The following ELK4 variants were observed in gnomAD, a reference collection of about 807,000 sequenced individuals.
ELK4 encodes the protein ETS domain-containing protein Elk-4.
ELK4 carries 16 observed loss-of-function variants against 29.6 expected under a neutral mutation model. That is an observed-to-expected ratio of 0.54 (90% CI 0.37 to 0.82). The LOEUF is 0.82. Among genes scored for constraint, ELK4 ranks in the 40% least tolerant of loss-of-function variants. ELK4 has a pLI of 0.00. For synonymous variants in ELK4, 213 were observed against 191.1 expected (o/e 1.11, Z -0.95); for missense variants, 465 against 507.1 (o/e 0.92, Z 0.80).
In ELK4 at chr1:205,612,064, AAT is replaced by A. The variant is rs898334188; in HGVS notation, c.*4480_*4481del. 5 of 191,922 alleles carry A rather than the reference AAT, an allele frequency of 2.6e-5. No homozygotes were observed. Among genetic ancestry groups the A allele is most frequent in the East Asian group, 1.7e-4 (2 of 12,102 alleles). The allele number at this position is 191,922 out of a possible 1,614,324, so 11.9% of individuals were successfully genotyped here. A position where few individuals can be genotyped will look rare whatever the true frequency, so the allele number is the denominator to read the frequency against. On this transcript the variant is annotated 3_prime_UTR_variant, in exon 5 of 5. Transcript: ENST00000357992. ...TCTGTGAGCAGACTAGTAAAATAAA[AAT>A]AGAGTCATACCTAACATGAAGATAA...
intron 3 of ELK4, 91 bp downstream of exon 3, chr1:205,619,875 G>C (rs1052706975): frequency 2.4e-5 from 39 of 1,613,618 alleles, no homozygotes; most frequent in Non-Finnish European, 3.2e-5. Flanking sequence ...CTAAGTAACA[G>C]AAAGCAAACT....
chr1:205,620,731 A>G lies in ELK4; in HGVS notation c.315T>C (p.Cys105=). The G allele has an allele frequency of 6.2e-7, 1 of 1,614,118 alleles. No individual in the cohort carries two copies. The highest frequency in any genetic ancestry group is 8.5e-7 in the Non-Finnish European group (1 of 1,180,026). ...PMTVGRIEGD[C]ESLNFSEVSS... is the part of the protein sequence containing the mutation. ...TGACTTCACTGAAGTTTAAACTTTC[A>G]CAGTCACCCTCAATCCTGCCCACTG... is the stretch of plus-strand genomic sequence containing the variant. The change falls in exon 3 of 5, where the codon TGT becomes TGC. Residue 105 remains cysteine, a synonymous_variant. Coordinates refer to ENST00000357992, the MANE Select transcript of ELK4 (RefSeq NM_001973.4).
At chr1:205,617,081 G>A (rs1488642913) in intron 4 of ELK4, among the ~76,000 whole-genome samples, 1 of 152,180 alleles carries the variant, frequency 6.6e-6, no homozygotes, top group Non-Finnish European at 1.5e-5. Flanking sequence ...TCCCCATCAA[G>A]TATTCTGAGG....
chr1:205,622,707 G>A (rs1040521149), intron 2 of ELK4, among the ~76,000 whole-genome samples: 7 of 152,116 alleles, frequency 4.6e-5, no homozygotes, highest in Non-Finnish European at 8.8e-5. Flanking sequence ...AGTAAATTAT[G>A]ACACACATGA....
Position 205,613,591 on chromosome 1 carries a change from A to T in ELK4, c.*2955T>A, listed in dbSNP as rs1192471832. ...TAACTAATTTATATCAAAGAATTTG[A>T]TATAAAATTCTAATTTATATTAGAA... On this transcript the variant is annotated 3_prime_UTR_variant, in exon 5 of 5. Transcript: ENST00000357992. The T allele has an allele frequency of 1.1e-5, 2 of 180,086 alleles. No homozygotes were observed. Among genetic ancestry groups the T allele is most frequent in the Non-Finnish European group, 2.4e-5 (2 of 84,302 alleles). 11.2% of individuals were successfully genotyped at this position (180,086 alleles called of 1,614,324 possible). A position where few individuals can be genotyped will look rare whatever the true frequency, so the allele number is the denominator to read the frequency against.
chr1:205,629,170 C>CAAAAAAAAAAAAAAAAAA (rs61374496), intron 1 of ELK4, among the ~76,000 whole-genome samples: 4 of 92,274 alleles, frequency 4.3e-5, no homozygotes, highest in Admixed American at 1.2e-4. Flanking sequence ...GACTACGTCT[C>CAAAAAAAAAAAAAAAAAA]AAAAAAAAAA....
At chr1:205,621,744 C>A (rs1670353808) in intron 2 of ELK4, among the ~76,000 whole-genome samples, 1 of 151,960 alleles carries the variant, frequency 6.6e-6, no homozygotes, top group South Asian at 2.1e-4. Flanking sequence ...GTCTTGAACT[C>A]CTGACCTCAA....
intron 2 of ELK4, 81 bp downstream of exon 2, chr1:205,623,595 G>GT (rs1558022577): frequency 6.6e-7 from 1 of 1,508,044 alleles, no homozygotes; most frequent in African/African-American, 1.4e-5. Context: ...GATTACAGGC[G>GT]TGAGCCACTG....
Position 205,608,073 on chromosome 1 carries a change from C to T in ELK4, c.*8473G>A, listed in dbSNP as rs1670100100. ...TGCTACAGTGCTTTTGTAAAGCCAG[C>T]CTGCATTATACAAAGCAAATTCCTC... On this transcript the variant is annotated 3_prime_UTR_variant, in exon 5 of 5. Transcript: ENST00000357992. The T allele has an allele frequency of 5.5e-6, 1 of 183,166 alleles. No homozygotes were observed. The highest frequency in any genetic ancestry group is 1.2e-5 in the Non-Finnish European group (1 of 86,344). 11.3% of individuals were successfully genotyped at this position (183,166 alleles called of 1,614,324 possible).
In ELK4 at chr1:205,631,778, C is replaced by A; in HGVS notation, c.-156G>T. 5.0e-6 allele frequency: 1 copy of A among 199,568 alleles called. No homozygotes were observed. The highest frequency in any genetic ancestry group is 7.0e-5 in the South Asian group (1 of 14,242). 12.4% of individuals were successfully genotyped at this position (199,568 alleles called of 1,614,324 possible). On this transcript the variant is annotated 5_prime_UTR_variant, in exon 1 of 5. Transcript: ENST00000357992. ...GCGGAGCCGTAGAAGGCGGCGGCGG[C>A]CAAGCCGAGCCCGCCGGGTGCCCGC...
intron 1 of ELK4, 51 bp from the exon 2 acceptor site, chr1:205,623,942 T>C: frequency 6.6e-7 from 1 of 1,518,700 alleles, no homozygotes; most frequent in Admixed American, 1.7e-5. Flanking sequence ...CAACACCTAT[T>C]TAACACTGTA....
rs1189696441 is a variant in ELK4, at chr1:205,608,098, C to T, written c.*8448G>A. 5.4e-6 allele frequency: 1 copy of T among 183,834 alleles called. No homozygotes were observed. The highest frequency in any genetic ancestry group is 1.2e-5 in the Non-Finnish European group (1 of 86,612). The allele number at this position is 183,834 out of a possible 1,614,324, so 11.4% of individuals were successfully genotyped here. A position where few individuals can be genotyped will look rare whatever the true frequency, so the allele number is the denominator to read the frequency against. ...CCTGCATTATACAAAGCAAATTCCTCTGTCAGTTCTTACATAAAATAGATT... is the reference window on the plus strand; with the variant it reads ...CCTGCATTATACAAAGCAAATTCCTTTGTCAGTTCTTACATAAAATAGATT... On this transcript the variant is annotated 3_prime_UTR_variant, in exon 5 of 5. Transcript: ENST00000357992.
rs117852950 is a variant in ELK4 at position 205,619,567 on chromosome 1, G to A, written c.1080+399C>T. On this transcript the variant is annotated intron_variant, in intron 3 of 4. Coordinates refer to ENST00000357992, the MANE Select transcript of ELK4 (RefSeq NM_001973.4). ...ATAGCTAAAGTAACTGTACCAACTT[G>A]TTACTCAACATCACACCAGTCATTT... 287 of 1,179,080 alleles carry A rather than the reference G, an allele frequency of 2.4e-4. 1 individual carries two copies. In the East Asian group the frequency reaches 9.3e-3, roughly 38 times the overall value. The allele number at this position is 1,179,080 out of a possible 1,614,324, so 73.0% of individuals were successfully genotyped here.
chr1:205,629,422 T>C (rs1670532624), intron 1 of ELK4, among the ~76,000 whole-genome samples: 1 of 152,182 alleles, frequency 6.6e-6, no homozygotes, highest in Admixed American at 6.5e-5. Context: ...TTCAATGATT[T>C]CATCAGATAT....
In ELK4 at chr1:205,620,151, C is replaced by G; in HGVS notation, c.895G>C (p.Glu299Gln). ...AAGACTGAATCCTGGTCTTTAGGCT[C>G]CAGTGACAAATTCTCTGGAAGTTCC... The part of the protein sequence containing the change: ...PMELPENLSL[E>Q]PKDQDSVLLE... The change falls in exon 3 of 5, where the codon GAG becomes CAG. Residue 299 changes from glutamate (E) to glutamine (Q), a missense_variant. Physicochemically the swap from Glu to Gln is conservative, Grantham distance 29. This residue lies in a region of ELK4 where 385 missense variants were observed against 387.5 expected (regional missense o/e 0.99). Transcript: ENST00000357992. 6.2e-7 allele frequency: 1 copy of G among 1,614,192 alleles called. No individual in the cohort carries two copies. The highest frequency in any genetic ancestry group is 8.5e-7 in the Non-Finnish European group (1 of 1,180,048).
At position 205,611,996 on chromosome 1, in the gene ELK4, A is replaced by C. The variant is rs560551616; in HGVS notation, c.*4550T>G. On this transcript the variant is annotated 3_prime_UTR_variant, in exon 5 of 5. Coordinates refer to ENST00000357992, the MANE Select transcript of ELK4 (RefSeq NM_001973.4). ...TTTTAACATAAAGCAACTTGAAATA[A>C]TTCTAAATTTGTTGGTAAAATATAA... The C allele has an allele frequency of 5.3e-6, 1 of 187,804 alleles. No individual in the cohort carries two copies. The highest frequency in any genetic ancestry group is 2.3e-5 in the African/African-American group (1 of 42,932). 11.6% of individuals were successfully genotyped at this position (187,804 alleles called of 1,614,324 possible). A position where few individuals can be genotyped will look rare whatever the true frequency, so the allele number is the denominator to read the frequency against.
At chr1:205,623,316 T>G (rs1309752388) in intron 2 of ELK4, among the ~76,000 whole-genome samples, 2 of 149,794 alleles carry the variant, frequency 1.3e-5, no homozygotes, top group Non-Finnish European at 3.0e-5. Flanking sequence ...AGGAATCTTT[T>G]TTTTTTTTTT....
In ELK4 at chr1:205,631,705, T is replaced by C; in HGVS notation, c.-83A>G. ...CGCCTCTCCGCCCTCAGCCTCCTCC[T>C]CACGCTGGAAACTCGAGGACGGCGC... On this transcript the variant is annotated 5_prime_UTR_variant, in exon 1 of 5. It removes the in-frame stop codon of an upstream open reading frame in the 5' UTR. Transcript: ENST00000357992. 1 of 340,122 alleles carries C rather than the reference T, an allele frequency of 2.9e-6. No homozygotes were observed. Among genetic ancestry groups the C allele is most frequent in the South Asian group, 2.0e-5 (1 of 50,834 alleles). 21.1% of individuals were successfully genotyped at this position (340,122 alleles called of 1,614,324 possible). A position where few individuals can be genotyped will look rare whatever the true frequency, so the allele number is the denominator to read the frequency against.
Position 205,612,609 on chromosome 1 carries a change from G to C in ELK4, c.*3937C>G, listed in dbSNP as rs1427854861. ...ACTGCTTCAGAGGTATTGAGAAGTG[G>C]TACTGAGTGGCTCTAAATGTGCTTA... On this transcript the variant is annotated 3_prime_UTR_variant, in exon 5 of 5. Transcript: ENST00000357992. 1 of 211,364 alleles carries C rather than the reference G, an allele frequency of 4.7e-6. No homozygotes were observed. The highest frequency in any genetic ancestry group is 2.3e-5 in the African/African-American group (1 of 44,070). 13.1% of individuals were successfully genotyped at this position (211,364 alleles called of 1,614,324 possible). A position where few individuals can be genotyped will look rare whatever the true frequency, so the allele number is the denominator to read the frequency against.
Sources: gnomAD v4.1 joint callset for allele counts (sites outside exome capture counted in the v4.1 genomes callset) on GRCh38, gnomAD v4.1.1 for gene constraint, gnomAD v4.1.1 regional missense constraint, MANE v1.5 for transcripts, NCBI Gene and HGNC (gene_info 2026-07-23, HGNC 2026-07-21) for gene names.